The following SLMAP variants were observed in gnomAD, a reference collection of about 807,000 sequenced individuals.
The protein encoded by SLMAP is sarcolemmal membrane-associated protein.
In SLMAP, 44 loss-of-function variants were observed where a neutral mutation model predicts 128.8. That is an observed-to-expected ratio of 0.34 (90% CI 0.27 to 0.44). The LOEUF (loss-of-function observed/expected upper bound fraction) is 0.44. Among genes scored for constraint, SLMAP ranks in the 20% least tolerant of loss-of-function variants. The pLI is 1.00. For missense variants in SLMAP, 787 were observed against 985.3 expected (o/e 0.80, Z 2.69); for synonymous variants, 327 against 348.8 (o/e 0.94, Z 0.70).
chr3:57,871,561 G>T, intron 13 of SLMAP, 75 bp from the exon 14 acceptor site: 2 of 1,127,820 alleles, frequency 1.8e-6, no homozygotes, highest in Non-Finnish European at 2.7e-6. Flanking sequence ...ATACTTTTCA[G>T]TTTTCCTACC....
chr3:57,766,960 C>G (rs2079863960), intron 2 of SLMAP, among the ~76,000 whole-genome samples: 1 of 151,888 alleles, frequency 6.6e-6, no homozygotes, highest in South Asian at 2.1e-4. Flanking sequence ...TCTCTGTCAC[C>G]CAGGCTAGAG....
At chr3:57,795,175 T>G (rs530680008) in intron 2 of SLMAP, among the ~76,000 whole-genome samples, 2 of 152,356 alleles carry the variant, frequency 1.3e-5, no homozygotes, top group African/African-American at 4.8e-5. Context: ...GACTAATAAT[T>G]GAGCATCATT....
chr3:57,854,725 A>G (rs2094686624), intron 6 of SLMAP, among the ~76,000 whole-genome samples: 6 of 152,360 alleles, frequency 3.9e-5, no homozygotes, highest in Admixed American at 3.3e-4. Context: ...GCTGATGACC[A>G]GATTATCTTG....
chr3:57,882,891 G>A (rs536120081), intron 14 of SLMAP, among the ~76,000 whole-genome samples: 1 of 152,066 alleles, frequency 6.6e-6, no homozygotes, highest in South Asian at 2.1e-4. Context: ...AGCTTTCAAA[G>A]CTATTTGTGT....
rs371389839 is a variant in SLMAP, at chr3:57,776,336, C to G, written c.198+18487C>G. Among the ~76,000 whole-genome samples the G allele has an allele frequency of 1.2e-4, 18 of 152,118 alleles. No individual in the cohort carries two copies. The East Asian group carries it at 1.5e-3, about 13-fold the overall frequency. On this transcript the variant is annotated intron_variant, in intron 2 of 24. Coordinates refer to ENST00000671191, the MANE Select transcript of SLMAP (RefSeq NM_001377540.1). ...CATTAGAGTTTTGTACTAATTCAGA[C>G]TTTGTGGTTCTTATCTGTTGGCTGT...
At chr3:57,834,256 A>G (rs2093507382) in intron 3 of SLMAP, among the ~76,000 whole-genome samples, 2 of 152,232 alleles carry the variant, frequency 1.3e-5, no homozygotes, top group South Asian at 4.1e-4. Flanking sequence ...GCAGAAATTA[A>G]TGAAACAAAA....
chr3:57,843,305 CTTT>C, intron 4 of SLMAP, among the ~76,000 whole-genome samples: 312 of 92,094 alleles, frequency 3.4e-3, no homozygotes, highest in African/African-American at 0.013. Context: ...CTTTCTTTTC[CTTT>C]TTTTTTTTTT....
rs111670855 is a variant in SLMAP at position 57,829,760 on chromosome 3, A to G, written c.199-1623A>G. ...GTGGCCTTTATATTGTCAGCTACCA[A>G]TTAATGAAATGAAATGTAATTTGAA... On this transcript the variant is annotated intron_variant, in intron 2 of 24. Coordinates refer to ENST00000671191, the MANE Select transcript of SLMAP (RefSeq NM_001377540.1). 3.2e-3 allele frequency among the ~76,000 whole-genome samples: 494 copies of G among 152,336 alleles called. 3 individuals are homozygous for G. Among genetic ancestry groups the G allele is most frequent in the African/African-American group, 0.011 (472 of 41,582 alleles).
At chr3:57,820,019 G>A (rs920943826) in intron 2 of SLMAP, among the ~76,000 whole-genome samples, 7 of 152,116 alleles carry the variant, frequency 4.6e-5, no homozygotes, top group Non-Finnish European at 1.0e-4. Flanking sequence ...CCAAAGCACT[G>A]GGATTACAGG....
In SLMAP at chr3:57,896,924, T is replaced by C. The variant is rs2096257457; in HGVS notation, c.1493T>C (p.Leu498Pro). 1.2e-6 allele frequency: 2 copies of C among 1,612,738 alleles called. No individual in the cohort carries two copies. The highest frequency in any genetic ancestry group is 1.7e-6 in the Non-Finnish European group (2 of 1,179,624). Residue 498 changes from leucine to proline, a missense_variant, in exon 17 of 25, where the codon CTT (leucine) becomes CCT (proline). This residue lies in a region of SLMAP where 715 missense variants were observed against 843.6 expected (regional missense o/e 0.85). Coordinates refer to ENST00000671191, the MANE Select transcript of SLMAP (RefSeq NM_001377540.1). ...AATGAGCCTCTTGCCAAAGTGTCCC[T>C]TTTAAAAGGTACTTTAACATGTTTT... ...DLNEPLAKVS[L>P]LKDDLQGAQS...
At chr3:57,883,970 T>C (rs1273707083) in intron 14 of SLMAP, among the ~76,000 whole-genome samples, 2 of 149,376 alleles carry the variant, frequency 1.3e-5, no homozygotes, top group African/African-American at 4.9e-5. Context: ...GGATCTCTGC[T>C]GCCTAGGCTG....
chr3:57,831,388 T>C lies in SLMAP; in HGVS notation c.204T>C (p.Tyr68=), dbSNP rs763926233. The change falls in exon 3 of 25, where the codon TAT becomes TAC. Residue 68 remains tyrosine (Y), a synonymous_variant. Coordinates refer to ENST00000671191, the MANE Select transcript of SLMAP (RefSeq NM_001377540.1). Reference sequence around the variant, plus strand: ...GTTTTTGTTTTTTTTTGCAGTTTTATCTTCAAGACACTAAAAGTAGTAATG... The same window carrying C: ...GTTTTTGTTTTTTTTTGCAGTTTTACCTTCAAGACACTAAAAGTAGTAATG... ...VWFDHKTGKF[Y]LQDTKSSNGT... The C allele has an allele frequency of 1.0e-5, 15 of 1,486,480 alleles. No homozygotes were observed. Among genetic ancestry groups the C allele is most frequent in the Non-Finnish European group, 1.4e-5 (15 of 1,110,704 alleles). 92.1% of individuals were successfully genotyped at this position (1,486,480 alleles called of 1,614,324 possible). A position where few individuals can be genotyped will look rare whatever the true frequency, so the allele number is the denominator to read the frequency against.
At chr3:57,787,244 G>T (rs539142745) in intron 2 of SLMAP, among the ~76,000 whole-genome samples, 11 of 152,144 alleles carry the variant, frequency 7.2e-5, no homozygotes, top group Middle Eastern at 3.4e-3. Context: ...ACACTACTTG[G>T]TATCTTTTTT....
intron 4 of SLMAP, among the ~76,000 whole-genome samples, chr3:57,842,363 G>A (rs2153565169): frequency 6.6e-6 from 1 of 151,514 alleles, no homozygotes; most frequent in Admixed American, 6.6e-5. Flanking sequence ...TTTGTCCTTG[G>A]CATATGAAGT....
intron 15 of SLMAP, among the ~76,000 whole-genome samples, chr3:57,892,724 C>T (rs769712332): frequency 4.2e-4 from 64 of 151,628 alleles, no homozygotes; most frequent in Admixed American, 5.3e-4. Flanking sequence ...ATAAGAGGAT[C>T]GCTTGAGCCC....
chr3:57,856,218 T>G (rs2094780133), intron 6 of SLMAP, among the ~76,000 whole-genome samples: 1 of 151,986 alleles, frequency 6.6e-6, no homozygotes, highest in Non-Finnish European at 1.5e-5. Context: ...CCTAGACTCT[T>G]GTCTCAAAAA....
intron 5 of SLMAP, among the ~76,000 whole-genome samples, chr3:57,849,429 A>G (rs2094426715): frequency 6.6e-6 from 1 of 152,106 alleles, no homozygotes; most frequent in African/African-American, 2.4e-5. Context: ...CCCTACCTAT[A>G]CCACATAAAA....
intron 2 of SLMAP, among the ~76,000 whole-genome samples, chr3:57,829,876 C>T (rs192567347): frequency 0.018 from 2,753 of 152,212 alleles, 76 homozygotes; most frequent in African/African-American, 0.063. Flanking sequence ...AACATAAAGT[C>T]TGTGTCCCCT....
intron 2 of SLMAP, among the ~76,000 whole-genome samples, chr3:57,783,770 T>A (rs2083516807): frequency 1.3e-5 from 2 of 152,294 alleles, no homozygotes; most frequent in Non-Finnish European, 2.9e-5. Context: ...TTCAGAGATC[T>A]TCAAGGCTAT....
Sources: gnomAD v4.1 joint callset for allele counts (sites outside exome capture counted in the v4.1 genomes callset) on GRCh38, gnomAD v4.1.1 for gene constraint, gnomAD v4.1.1 regional missense constraint, MANE v1.5 for transcripts, NCBI Gene and HGNC (gene_info 2026-07-23, HGNC 2026-07-21) for gene names.